Variants in L3MBTL4 observed in about 807,000 individuals in gnomAD.
The protein encoded by L3MBTL4 is lethal(3)malignant brain tumor-like protein 4.
Under a neutral mutation model 84.5 loss-of-function variants are expected in L3MBTL4, and 70 were observed. The observed-to-expected ratio is 0.83, with a 90% CI of 0.68 to 1.01. L3MBTL4 has a LOEUF of 1.01. Ranked by LOEUF, L3MBTL4 falls within the 50% of genes least tolerant of loss-of-function variation. The pLI is 0.00. For missense variants in L3MBTL4, 715 were observed against 754.8 expected (o/e 0.95, Z 0.62); for synonymous variants, 274 against 259.8 (o/e 1.05, Z -0.52).
At chr18:6,000,281 T>C (rs1433158511) in intron 16 of L3MBTL4, among the ~76,000 whole-genome samples, 1 of 152,080 alleles carries the variant, frequency 6.6e-6, no homozygotes, top group Non-Finnish European at 1.5e-5. Flanking sequence ...TAAAGCTTAG[T>C]GAGGCAATTA....
chr18:6,034,708 C>T (rs758967416), intron 16 of L3MBTL4, among the ~76,000 whole-genome samples: 26 of 152,186 alleles, frequency 1.7e-4, no homozygotes, highest in Non-Finnish European at 3.2e-4. Flanking sequence ...TCTTAGATCC[C>T]TGAGGACTCG....
chr18:6,297,621 C>T (rs762312659), intron 4 of L3MBTL4, among the ~76,000 whole-genome samples: 1 of 152,116 alleles, frequency 6.6e-6, no homozygotes, highest in Non-Finnish European at 1.5e-5. Flanking sequence ...GTTTTTAGTT[C>T]AGGAGTTTCT....
intron 14 of L3MBTL4, among the ~76,000 whole-genome samples, chr18:6,122,438 G>A (rs1403374059): frequency 1.3e-5 from 2 of 152,198 alleles, no homozygotes; most frequent in Non-Finnish European, 2.9e-5. Context: ...CTGGGAGCAG[G>A]TCTTTGCCAT....
intron 16 of L3MBTL4, among the ~76,000 whole-genome samples, chr18:6,044,149 G>A (rs1426241555): frequency 6.6e-6 from 1 of 152,166 alleles, no homozygotes; most frequent in Non-Finnish European, 1.5e-5. Context: ...AGCTACTTTT[G>A]TTTTTAGGGG....
chr18:6,352,104 AT>A (rs35761608), intron 1 of L3MBTL4, among the ~76,000 whole-genome samples: 39,806 of 152,014 alleles, frequency 0.26, 6,608 homozygotes, highest in African/African-American at 0.47. Context: ...GTGGGTTTAA[AT>A]TTTTTTGCTT....
chr18:6,302,649 T>C (rs1331316492), intron 3 of L3MBTL4, among the ~76,000 whole-genome samples: 1 of 152,220 alleles, frequency 6.6e-6, no homozygotes. Flanking sequence ...GATATGTGTC[T>C]TCTTTATGTC....
intron 13 of L3MBTL4, among the ~76,000 whole-genome samples, chr18:6,139,478 G>A (rs958733518): frequency 7.9e-5 from 12 of 151,362 alleles, no homozygotes; most frequent in African/African-American, 2.2e-4. Flanking sequence ...AGTATTCTCC[G>A]CCCCCTAAAC....
chr18:6,193,757 G>A (rs1258402948), intron 12 of L3MBTL4, among the ~76,000 whole-genome samples: 1 of 152,216 alleles, frequency 6.6e-6, no homozygotes, highest in Non-Finnish European at 1.5e-5. Flanking sequence ...TGTGGCTTTT[G>A]TGGATGAAAG....
rs1163899004 is a variant in L3MBTL4 at position 6,243,408 on chromosome 18, G to A, written c.346C>T (p.Leu116Phe). The A allele has an allele frequency of 6.2e-7, 1 of 1,604,402 alleles. No individual in the cohort carries two copies. Among genetic ancestry groups the A allele is most frequent in the Non-Finnish European group, 8.5e-7 (1 of 1,176,034 alleles). The change falls in exon 7 of 19, where the codon CTT (leucine) becomes TTT (phenylalanine). Residue 116 changes from leucine (L) to phenylalanine (F), a missense_variant. Coordinates refer to ENST00000317931, the MANE Select transcript of L3MBTL4 (RefSeq NM_001330559.2). ...VAEVCGYRLR[L>F]HFDGYLSCYD... is the part of the protein sequence containing the mutation. ...CAACTTAAATAACCATCAAAATGAAGTCTTAGACGGTAACCACAAACCTGC... is the reference window on the plus strand; with the variant it reads ...CAACTTAAATAACCATCAAAATGAAATCTTAGACGGTAACCACAAACCTGC...
At chr18:5,995,227 G>T (rs1466490538) in intron 16 of L3MBTL4, among the ~76,000 whole-genome samples, 2 of 152,238 alleles carry the variant, frequency 1.3e-5, no homozygotes, top group African/African-American at 4.8e-5. Context: ...TGCAATCAAG[G>T]ACTTACGAAA....
intron 16 of L3MBTL4, among the ~76,000 whole-genome samples, chr18:6,022,424 G>T (rs1355564123): frequency 1.3e-5 from 2 of 152,152 alleles, no homozygotes; most frequent in African/African-American, 4.8e-5. Flanking sequence ...CCTCCACAAT[G>T]CTTTTAAAGT....
chr18:5,969,699 C>T (rs1336522473), intron 16 of L3MBTL4, 137 bp from the exon 17 acceptor site: 3 of 760,022 alleles, frequency 3.9e-6, no homozygotes, highest in Admixed American at 5.9e-5. Context: ...TCTGATCGTA[C>T]AGCATCACCC....
chr18:6,279,254 G>A lies in L3MBTL4; in HGVS notation c.128-15216C>T, dbSNP rs1335142142. Among the ~76,000 whole-genome samples, 5 of 152,184 alleles carry A rather than the reference G, an allele frequency of 3.3e-5. No homozygotes were observed. The East Asian group carries it at 9.7e-4, about 29-fold the overall frequency. Reference sequence around the variant, plus strand: ...AAGAATTGATAAAACAAAAAGCATTGAGACATAAAAGCTAGGACAGACTGA... The same window carrying A: ...AAGAATTGATAAAACAAAAAGCATTAAGACATAAAAGCTAGGACAGACTGA... On this transcript the variant is annotated intron_variant, in intron 4 of 18. Transcript: ENST00000317931.
At chr18:6,313,000 A>T (rs774408817) in intron 1 of L3MBTL4, among the ~76,000 whole-genome samples, 2 of 152,118 alleles carry the variant, frequency 1.3e-5, no homozygotes, top group Non-Finnish European at 2.9e-5. Context: ...ACTAAAAGAG[A>T]CTTCACAGCC....
At chr18:6,239,695 T>A (rs750949606) in intron 9 of L3MBTL4, 23 bp downstream of exon 9, 21 of 1,607,068 alleles carry the variant, frequency 1.3e-5, no homozygotes, top group Non-Finnish European at 1.7e-5. Flanking sequence ...TACACAAAAA[T>A]AAAACACACA....
At chr18:5,999,204 G>A (rs767309403) in intron 16 of L3MBTL4, among the ~76,000 whole-genome samples, 1 of 152,198 alleles carries the variant, frequency 6.6e-6, no homozygotes, top group Non-Finnish European at 1.5e-5. Context: ...TATCAAATCT[G>A]CCTAGCAGAA....
At chr18:5,978,491 G>A (rs1025457502) in intron 16 of L3MBTL4, among the ~76,000 whole-genome samples, 1 of 152,140 alleles carries the variant, frequency 6.6e-6, no homozygotes. Flanking sequence ...ACTGGCAGAG[G>A]AGACACCATA....
chr18:6,032,385 TACACACACAC>T (rs111595039), intron 16 of L3MBTL4: 18 of 347,004 alleles, frequency 5.2e-5, no homozygotes, highest in Middle Eastern at 1.4e-3. Context: ...TGAAATATGT[TACACACACAC>T]ACACACACAC....
intron 16 of L3MBTL4, among the ~76,000 whole-genome samples, chr18:6,053,429 C>T (rs1448959600): frequency 2.0e-5 from 3 of 152,082 alleles, no homozygotes; most frequent in African/African-American, 7.2e-5. Context: ...TACAGGAGGC[C>T]ATGAAGGGAA....
Sources: gnomAD v4.1 joint callset for allele counts (sites outside exome capture counted in the v4.1 genomes callset) on GRCh38, gnomAD v4.1.1 for gene constraint, MANE v1.5 for transcripts, NCBI Gene and HGNC (gene_info 2026-07-23, HGNC 2026-07-21) for gene names.